GLI3: variants seen among roughly 807,000 people sequenced by gnomAD.
GLI3 encodes GLI family zinc finger 3, also known as transcription activator GLI3.
GLI3 carries 20 observed loss-of-function variants against 100.8 expected under a neutral mutation model. That is an observed-to-expected ratio of 0.20 (90% CI 0.14 to 0.29). The LOEUF (loss-of-function observed/expected upper bound fraction) is 0.29. GLI3 is among the 10% of genes least tolerant of loss of function. GLI3 has a pLI of 1.00. For synonymous variants in GLI3, 938 were observed against 860.5 expected (o/e 1.09, Z -1.58); for missense variants, 2,040 against 2,128.5 (o/e 0.96, Z 0.82).
chr7:42,025,369 G>T lies in GLI3; in HGVS notation c.1251C>A (p.Pro417=). The T allele has an allele frequency of 6.2e-7, 1 of 1,612,074 alleles. No homozygotes were observed. Among genetic ancestry groups the T allele is most frequent in the Non-Finnish European group, 8.5e-7 (1 of 1,178,236 alleles). The change falls in exon 9 of 15, where the codon CCC becomes CCA. Residue 417 remains proline (P), a synonymous_variant. Coordinates refer to ENST00000395925, the MANE Select transcript of GLI3 (RefSeq NM_000168.6). The part of the protein sequence containing the change: ...SGPSESSQNK[P]TSESAVSSTG... ...TGCTGCTCACTGCAGACTCACTCGT[G>T]GGCTTGTTCTGCTGGTCACATTTGC...
At chr7:42,019,302 C>T (rs776280495) in intron 10 of GLI3, among the ~76,000 whole-genome samples, 6 of 152,200 alleles carry the variant, frequency 3.9e-5, no homozygotes, top group Non-Finnish European at 8.8e-5. Context: ...CAATGTCATG[C>T]ACAACCAAAG....
rs754664357 is a variant in GLI3, at chr7:41,967,621, A to C, written c.2406T>G (p.Pro802=). The C allele has an allele frequency of 1.2e-6, 2 of 1,613,600 alleles. No homozygotes were observed. Among genetic ancestry groups the C allele is most frequent in the Non-Finnish European group, 1.7e-6 (2 of 1,179,714 alleles). ...CATTTCCTATGAGAGGAGAGACCGC[A>C]GGGGCTTTAGGGGGTAGAATGGGGT... is the stretch of plus-strand genomic sequence containing the variant. The part of the protein sequence containing the change: ...RLNPILPPKA[P]AVSPLIGNGT... The change falls in exon 14 of 15, where the codon CCT becomes CCG. Residue 802 remains proline (P), a synonymous_variant. Coordinates refer to ENST00000395925, the MANE Select transcript of GLI3 (RefSeq NM_000168.6).
Position 42,048,443 on chromosome 7 carries a change from G to C in GLI3, c.679+48C>G, listed in dbSNP as rs373148198. 12 of 1,218,840 alleles carry C rather than the reference G, an allele frequency of 9.8e-6. No homozygotes were observed. In the African/African-American group the frequency reaches 1.8e-4, roughly 18 times the overall value. 75.5% of individuals were successfully genotyped at this position (1,218,840 alleles called of 1,614,324 possible). Reference sequence around the variant, plus strand: ...TTATACACGTCCCGAGTGAGGAGCGGGGAGGAGGCTGCATGATCTCCAGAA... The same window carrying C: ...TTATACACGTCCCGAGTGAGGAGCGCGGAGGAGGCTGCATGATCTCCAGAA... On this transcript the variant is annotated intron_variant, in intron 5 of 14. Coordinates refer to ENST00000395925, the MANE Select transcript of GLI3 (RefSeq NM_000168.6).
chr7:41,982,619 T>G (rs1031188724), intron 10 of GLI3, among the ~76,000 whole-genome samples: 2 of 151,296 alleles, frequency 1.3e-5, no homozygotes, highest in African/African-American at 4.9e-5. Flanking sequence ...GGAGGGTCAC[T>G]TGAGCCCAGG....
chr7:42,130,822 A>C (rs1786257581), intron 3 of GLI3, among the ~76,000 whole-genome samples: 1 of 152,224 alleles, frequency 6.6e-6, no homozygotes, highest in Admixed American at 6.5e-5. Flanking sequence ...ATTAAAACAC[A>C]TCTAGGTACA....
At chr7:42,094,601 G>A (rs1785297753) in intron 3 of GLI3, among the ~76,000 whole-genome samples, 1 of 152,080 alleles carries the variant, frequency 6.6e-6, no homozygotes, top group African/African-American at 2.4e-5. Flanking sequence ...GGGCATGGTG[G>A]TGGGCACCTG....
chr7:42,149,140 C>T (rs939511239), intron 2 of GLI3, among the ~76,000 whole-genome samples: 1 of 152,192 alleles, frequency 6.6e-6, no homozygotes, highest in African/African-American at 2.4e-5. Flanking sequence ...GAGATACTTC[C>T]TGCTTCTGTC....
intron 3 of GLI3, among the ~76,000 whole-genome samples, chr7:42,129,420 G>A (rs567453221): frequency 6.6e-6 from 1 of 152,328 alleles, no homozygotes; most frequent in South Asian, 2.1e-4. Flanking sequence ...TAGTGGGTAA[G>A]ACTGGAATTA....
intron 3 of GLI3, among the ~76,000 whole-genome samples, chr7:42,108,129 A>G (rs568947396): frequency 1.3e-5 from 2 of 152,338 alleles, no homozygotes; most frequent in African/African-American, 4.8e-5. Context: ...TATCCAGATG[A>G]AAAGTGAAAA....
chr7:42,165,556 C>T (rs1787225114), intron 2 of GLI3, among the ~76,000 whole-genome samples: 1 of 152,152 alleles, frequency 6.6e-6, no homozygotes, highest in African/African-American at 2.4e-5. Flanking sequence ...CATGAAGACA[C>T]AACTGTACCA....
intron 3 of GLI3, among the ~76,000 whole-genome samples, chr7:42,116,085 A>G (rs1785847369): frequency 6.6e-6 from 1 of 152,112 alleles, no homozygotes; most frequent in Admixed American, 6.6e-5. Flanking sequence ...GGAAACACCA[A>G]CAAACCCTTT....
At chr7:42,118,358 A>T (rs1010197863) in intron 3 of GLI3, 4 of 398,454 alleles carry the variant, frequency 1.0e-5, no homozygotes, top group Admixed American at 4.4e-5. Context: ...ACTTATCCTC[A>T]ATTTTCAGGT....
At chr7:42,158,063 C>T (rs1787045766) in intron 2 of GLI3, among the ~76,000 whole-genome samples, 1 of 152,106 alleles carries the variant, frequency 6.6e-6, no homozygotes, top group Non-Finnish European at 1.5e-5. Flanking sequence ...ATGCAAACAC[C>T]TCCCCAAAAT....
chr7:42,180,928 T>C (rs1787578385), intron 2 of GLI3, among the ~76,000 whole-genome samples: 1 of 152,186 alleles, frequency 6.6e-6, no homozygotes, highest in Non-Finnish European at 1.5e-5. Flanking sequence ...TGGAAAGGCG[T>C]TCCAATCGTT....
At chr7:42,250,572 C>G (rs554217154) in intron 1 of GLI3, among the ~76,000 whole-genome samples, 2 of 152,294 alleles carry the variant, frequency 1.3e-5, no homozygotes, top group Non-Finnish European at 2.9e-5. Context: ...CTCCAACCAG[C>G]CAGAGCCATG....
chr7:42,200,876 A>T (rs1001411524), intron 2 of GLI3, among the ~76,000 whole-genome samples: 1 of 152,210 alleles, frequency 6.6e-6, no homozygotes, highest in African/African-American at 2.4e-5. Context: ...GACAGACTGA[A>T]ATGCATGAAA....
intron 3 of GLI3, among the ~76,000 whole-genome samples, chr7:42,147,112 G>A (rs558531592): frequency 6.6e-6 from 1 of 152,104 alleles, no homozygotes; most frequent in Admixed American, 6.5e-5. Context: ...AATCTGGTTG[G>A]GGGGGAGGTG....
At chr7:42,175,242 A>C (rs886894647) in intron 2 of GLI3, among the ~76,000 whole-genome samples, 19 of 152,184 alleles carry the variant, frequency 1.2e-4, no homozygotes, top group Non-Finnish European at 2.6e-4. Flanking sequence ...AGTCCCCCCG[A>C]AATGCTTGCC....
chr7:42,150,235 AT>A (rs1786821989), intron 2 of GLI3: 1 of 152,234 alleles, frequency 6.6e-6, no homozygotes. Context: ...ACATGTTCAC[AT>A]TGATCTCTAT....
Sources: gnomAD v4.1 joint callset for allele counts (sites outside exome capture counted in the v4.1 genomes callset) on GRCh38, gnomAD v4.1.1 for gene constraint, MANE v1.5 for transcripts, NCBI Gene and HGNC (gene_info 2026-07-23, HGNC 2026-07-21) for gene names.